PCDH9: variants seen among roughly 807,000 people sequenced by gnomAD.
PCDH9 encodes protocadherin 9.
Under a neutral mutation model 70.6 loss-of-function variants are expected in PCDH9, and 24 were observed. The observed-to-expected ratio is 0.34, with a 90% CI of 0.25 to 0.48. The LOEUF (loss-of-function observed/expected upper bound fraction) is 0.48. Ranked by LOEUF, PCDH9 falls within the 20% of genes least tolerant of loss-of-function variation. The pLI, the probability that PCDH9 is intolerant of heterozygous loss-of-function variation, is 0.99. For synonymous variants in PCDH9, 562 were observed against 558.5 expected (o/e 1.01, Z -0.09); for missense variants, 1,281 against 1,503.6 (o/e 0.85, Z 2.45).
intron 4 of PCDH9, among the ~76,000 whole-genome samples, chr13:66,458,225 A>T (rs574315703): frequency 6.6e-6 from 1 of 152,008 alleles, no homozygotes; most frequent in African/African-American, 2.4e-5. Flanking sequence ...TGCATATTAT[A>T]TATAGTGATT....
rs546101046 is a variant in PCDH9, at chr13:66,502,012, A to T, written c.3340+129198T>A. The stretch of plus-strand genomic sequence containing the variant: ...TGAAGGTGATGTGAAGGCTTAGTTT[A>T]ACAAAGGTGAGAAACAGATGCATTT... On this transcript the variant is annotated intron_variant, in intron 4 of 4. Coordinates refer to ENST00000377865, the MANE Select transcript of PCDH9 (RefSeq NM_203487.3). Among the ~76,000 whole-genome samples the T allele has an allele frequency of 2.4e-4, 37 of 152,210 alleles. No homozygotes were observed. In the East Asian group the frequency reaches 5.0e-3, roughly 21 times the overall value.
At chr13:66,595,512 G>A (rs2077092348) in intron 4 of PCDH9, among the ~76,000 whole-genome samples, 1 of 151,638 alleles carries the variant, frequency 6.6e-6, no homozygotes, top group Non-Finnish European at 1.5e-5. Context: ...CAGTCTCTTA[G>A]TGGATGGCTT....
chr13:66,587,982 T>G (rs1014726249), intron 4 of PCDH9, among the ~76,000 whole-genome samples: 57 of 152,070 alleles, frequency 3.7e-4, no homozygotes, highest in Non-Finnish European at 6.3e-4. Flanking sequence ...ATATCTCTGC[T>G]GCTCCCTCCC....
chr13:66,766,018 G>GA (rs2079711316), intron 3 of PCDH9, among the ~76,000 whole-genome samples: 1 of 151,844 alleles, frequency 6.6e-6, no homozygotes, highest in Non-Finnish European at 1.5e-5. Flanking sequence ...ACACTAGGGG[G>GA]ATCTCTTATA....
At chr13:66,732,027 G>A (rs1226434888) in intron 3 of PCDH9, among the ~76,000 whole-genome samples, 4 of 151,816 alleles carry the variant, frequency 2.6e-5, no homozygotes, top group African/African-American at 9.7e-5. Context: ...ATTTTGACAT[G>A]TATTTTCCTT....
Position 67,226,761 on chromosome 13 carries a change from A to G in PCDH9, c.1680T>C (p.Val560=). The change falls in exon 2 of 5, where the codon GTT becomes GTC. Residue 560 remains valine (V), a synonymous_variant. Coordinates refer to ENST00000377865, the MANE Select transcript of PCDH9 (RefSeq NM_203487.3). The surrounding 1 kb of genome is among the most constrained non-coding windows in gnomAD (Gnocchi z 5.0). ...TATTGTCATTCTCATCCAGAACAGT[A>G]ACAATCACAGCCGCTTGGCTTTGGA... ...PPLQSQAAVI[V]TVLDENDNSP... 6.2e-7 allele frequency: 1 copy of G among 1,614,192 alleles called. No homozygotes were observed. Among genetic ancestry groups the G allele is most frequent in the Non-Finnish European group, 8.5e-7 (1 of 1,180,026 alleles).
chr13:67,011,736 G>T (rs1455772268), intron 2 of PCDH9, among the ~76,000 whole-genome samples: 1 of 151,856 alleles, frequency 6.6e-6, no homozygotes, highest in Non-Finnish European at 1.5e-5. Flanking sequence ...ATGATGGTTG[G>T]AGAGCTGAAT....
At chr13:67,058,424 A>G (rs1451493215) in intron 2 of PCDH9, among the ~76,000 whole-genome samples, 1 of 151,988 alleles carries the variant, frequency 6.6e-6, no homozygotes. Flanking sequence ...TTTAAACCCA[A>G]TCTCATTTTA....
chr13:66,455,968 T>C (rs1036291151), intron 4 of PCDH9, among the ~76,000 whole-genome samples: 3 of 152,146 alleles, frequency 2.0e-5, no homozygotes, highest in African/African-American at 7.2e-5. Context: ...TATGAAATTA[T>C]ATAAACGATG....
chr13:66,669,416 G>GCAGT (rs527823084), intron 3 of PCDH9, among the ~76,000 whole-genome samples: 2 of 151,978 alleles, frequency 1.3e-5, no homozygotes, highest in Non-Finnish European at 2.9e-5. Flanking sequence ...GGGGCAGAGA[G>GCAGT]CAGTCTTCTA....
intron 2 of PCDH9, among the ~76,000 whole-genome samples, chr13:67,029,719 C>T (rs377512331): frequency 6.6e-5 from 10 of 152,104 alleles, no homozygotes; most frequent in Admixed American, 3.9e-4. Context: ...AAAATTCTGA[C>T]GAGAACATTT....
At chr13:67,035,532 A>G (rs997104250) in intron 2 of PCDH9, among the ~76,000 whole-genome samples, 11 of 150,720 alleles carry the variant, frequency 7.3e-5, no homozygotes, top group Non-Finnish European at 1.5e-5. Flanking sequence ...TATGAAAACA[A>G]ATACTGCTTA....
chr13:66,973,418 T>C (rs2139752321), intron 2 of PCDH9, among the ~76,000 whole-genome samples: 1 of 151,998 alleles, frequency 6.6e-6, no homozygotes, highest in East Asian at 1.9e-4. Flanking sequence ...ATTAAAAGAA[T>C]GCTCATGAGA....
At chr13:66,671,275 C>A (rs1174998594) in intron 3 of PCDH9, among the ~76,000 whole-genome samples, 1 of 152,070 alleles carries the variant, frequency 6.6e-6, no homozygotes, top group Non-Finnish European at 1.5e-5. Flanking sequence ...TTCTTCATAG[C>A]AGTATGAAAA....
intron 4 of PCDH9, among the ~76,000 whole-genome samples, chr13:66,459,912 C>T (rs1300309921): frequency 2.0e-5 from 3 of 151,820 alleles, no homozygotes; most frequent in African/African-American, 4.8e-5. Context: ...GTATTTCTCA[C>T]GTAGAATATC....
intron 2 of PCDH9, among the ~76,000 whole-genome samples, chr13:66,984,465 G>T (rs2083847684): frequency 6.6e-6 from 1 of 152,110 alleles, no homozygotes; most frequent in Non-Finnish European, 1.5e-5. Flanking sequence ...CTCTGATGAT[G>T]TTACTTCTAG....
chr13:67,013,264 A>AACACACACACACACAC (rs111347560), intron 2 of PCDH9, among the ~76,000 whole-genome samples: 3,077 of 144,426 alleles, frequency 0.021, 44 homozygotes, highest in Middle Eastern at 0.051. Flanking sequence ...TTTTTAATGT[A>AACACACACACACACAC]ACACACACAC....
At chr13:66,957,274 G>C (rs906870955) in intron 2 of PCDH9, among the ~76,000 whole-genome samples, 1 of 152,130 alleles carries the variant, frequency 6.6e-6, no homozygotes, top group Non-Finnish European at 1.5e-5. Flanking sequence ...TACTTGTGCA[G>C]GTAGCTGCAA....
intron 2 of PCDH9, among the ~76,000 whole-genome samples, chr13:67,110,203 T>TA (rs201097554): frequency 5.3e-4 from 77 of 146,376 alleles, no homozygotes; most frequent in South Asian, 2.8e-3. Flanking sequence ...ACAGAAAATT[T>TA]AAAAAAAAAA....
Sources: allele counts gnomAD v4.1 joint callset (sites outside exome capture counted in the v4.1 genomes callset), GRCh38; gene constraint gnomAD v4.1.1; non-coding constraint Gnocchi (gnomAD v3.1); transcripts MANE v1.5; gene names NCBI Gene and HGNC (gene_info 2026-07-23, HGNC 2026-07-21).